Variants in CNTN5 observed in about 807,000 individuals in gnomAD.
The protein encoded by CNTN5 is contactin 5.
In CNTN5, 77 loss-of-function variants were observed where a neutral mutation model predicts 129.1. The ratio of observed to expected loss-of-function variants is 0.60; its 90% CI spans 0.50 to 0.72. The LOEUF (loss-of-function observed/expected upper bound fraction) is 0.72, where lower values mean the gene tolerates loss of function less well. CNTN5 is among the 30% of genes least tolerant of loss of function. CNTN5 has a pLI of 0.00. For synonymous variants in CNTN5, 509 were observed against 465.6 expected, an observed-to-expected ratio of 1.09 and a Z score of -1.20; for missense variants, 1,478 against 1,328.8, an observed-to-expected ratio of 1.11 and a Z score of -1.75.
intron 1 of CNTN5, among the ~76,000 whole-genome samples, chr11:99,313,540 T>C (rs1865206923): frequency 6.6e-6 from 1 of 152,034 alleles, no homozygotes; most frequent in Non-Finnish European, 1.5e-5. Context: ...TATTTACTTA[T>C]GGTTTATGGG....
At chr11:99,695,484 A>C (rs1490344417) in intron 3 of CNTN5, among the ~76,000 whole-genome samples, 1 of 152,142 alleles carries the variant, frequency 6.6e-6, no homozygotes, top group Non-Finnish European at 1.5e-5. Flanking sequence ...CATAGAGTTA[A>C]GAAGTAGCAG....
At chr11:99,769,346 C>G (rs540040739) in intron 3 of CNTN5, among the ~76,000 whole-genome samples, 2 of 152,180 alleles carry the variant, frequency 1.3e-5, no homozygotes, top group South Asian at 4.1e-4. Context: ...ATGAGATATG[C>G]TCATTGCTAG....
At chr11:99,884,757 G>A (rs762631612) in intron 6 of CNTN5, among the ~76,000 whole-genome samples, 1 of 152,026 alleles carries the variant, frequency 6.6e-6, no homozygotes, top group African/African-American at 2.4e-5. Context: ...CAGGTGGATC[G>A]CCTGAAGTCA....
At chr11:99,870,112 G>T (rs2135807401) in intron 6 of CNTN5, among the ~76,000 whole-genome samples, 1 of 152,218 alleles carries the variant, frequency 6.6e-6, no homozygotes. Flanking sequence ...GAGGATATAT[G>T]CTGTGCCTAT....
chr11:99,581,723 T>C (rs566842192), intron 3 of CNTN5, among the ~76,000 whole-genome samples: 1 of 152,362 alleles, frequency 6.6e-6, no homozygotes, highest in African/African-American at 2.4e-5. Flanking sequence ...AGACTATGTG[T>C]GTCTCAGCAC....
At chr11:99,991,953 G>A (rs1939131471) in intron 8 of CNTN5, among the ~76,000 whole-genome samples, 1 of 152,122 alleles carries the variant, frequency 6.6e-6, no homozygotes, top group Admixed American at 6.5e-5. Context: ...ACCTATTCAG[G>A]AATACAGTGG....
intron 3 of CNTN5, among the ~76,000 whole-genome samples, chr11:99,732,538 T>C (rs1444310451): frequency 2.6e-5 from 4 of 152,138 alleles, no homozygotes; most frequent in Admixed American, 2.0e-4. Flanking sequence ...AATGGAAATA[T>C]TCCATGAGAG....
chr11:99,788,573 C>G (rs990690368), intron 3 of CNTN5, among the ~76,000 whole-genome samples: 9 of 151,842 alleles, frequency 5.9e-5, no homozygotes, highest in Admixed American at 1.3e-4. Flanking sequence ...AGTACTGACC[C>G]CATACAAGTC....
At position 99,689,479 on chromosome 11, in the gene CNTN5, G is replaced by A. The variant is rs185308191; in HGVS notation, c.56-130065G>A. Among the ~76,000 whole-genome samples, 377 of 139,846 alleles carry A rather than the reference G, an allele frequency of 2.7e-3. 4 individuals carry two copies. Among genetic ancestry groups the A allele is most frequent in the Non-Finnish European group, 4.2e-3 (277 of 66,074 alleles). The allele number at this position is 139,846 out of a possible 152,430, so 91.7% of individuals were successfully genotyped here. ...GAGGTGGAGCTTGCAGTGAGCCGAG[G>A]TCGCGCCACTGCACTCTACCCTGGG... On this transcript the variant is annotated intron_variant, in intron 3 of 24. Transcript: ENST00000524871.
chr11:99,769,580 C>G (rs1053597289), intron 3 of CNTN5, among the ~76,000 whole-genome samples: 4 of 151,944 alleles, frequency 2.6e-5, no homozygotes, highest in African/African-American at 9.7e-5. Flanking sequence ...AATTAAGAAT[C>G]ATGATACTCA....
At chr11:99,839,561 T>C (rs1947413363) in intron 4 of CNTN5, among the ~76,000 whole-genome samples, 1 of 152,074 alleles carries the variant, frequency 6.6e-6, no homozygotes, top group Non-Finnish European at 1.5e-5. Flanking sequence ...GCAGATGTCC[T>C]TAAAAAGGAA....
chr11:100,048,027 G>T (rs989176422), intron 9 of CNTN5, among the ~76,000 whole-genome samples: 4 of 152,026 alleles, frequency 2.6e-5, no homozygotes, highest in African/African-American at 4.8e-5. Flanking sequence ...GCTACTGGGG[G>T]TGCTGAGGCA....
At chr11:99,430,367 A>G (rs534285471) in intron 2 of CNTN5, among the ~76,000 whole-genome samples, 11 of 148,460 alleles carry the variant, frequency 7.4e-5, no homozygotes, top group Admixed American at 1.4e-4. Flanking sequence ...ATATATATAT[A>G]TGTGTGCACG....
chr11:99,655,931 T>C (rs1952341137), intron 3 of CNTN5, among the ~76,000 whole-genome samples: 2 of 151,984 alleles, frequency 1.3e-5, no homozygotes, highest in Admixed American at 6.6e-5. Flanking sequence ...AAAATACAAA[T>C]ATATACACAC....
At chr11:99,680,254 A>G (rs1953492332) in intron 3 of CNTN5, among the ~76,000 whole-genome samples, 1 of 152,148 alleles carries the variant, frequency 6.6e-6, no homozygotes, top group Non-Finnish European at 1.5e-5. Flanking sequence ...AGAAGATGCC[A>G]TCTGGGACTT....
At chr11:99,868,391 G>T (rs10791007) in intron 6 of CNTN5, among the ~76,000 whole-genome samples, 95,576 of 152,024 alleles carry the variant, frequency 0.63, 31,434 homozygotes, top group Non-Finnish European at 0.73. Flanking sequence ...TACAATAGTT[G>T]TTTTAATTTT....
intron 2 of CNTN5, among the ~76,000 whole-genome samples, chr11:99,440,914 T>C (rs1171202595): frequency 6.6e-6 from 1 of 152,170 alleles, no homozygotes; most frequent in Non-Finnish European, 1.5e-5. Flanking sequence ...GGTGAACTGA[T>C]TGCAATCTCC....
At chr11:100,348,701 C>T (rs557200346) in intron 23 of CNTN5, among the ~76,000 whole-genome samples, 14 of 152,050 alleles carry the variant, frequency 9.2e-5, no homozygotes, top group South Asian at 6.2e-4. Flanking sequence ...ATGCTCCAGA[C>T]GAAATCAAAA....
chr11:99,375,087 G>A (rs1024297745), intron 2 of CNTN5, among the ~76,000 whole-genome samples: 1 of 152,092 alleles, frequency 6.6e-6, no homozygotes, highest in African/African-American at 2.4e-5. Flanking sequence ...TGGATCACTT[G>A]AGGTCAGGAA....
Sources: gnomAD v4.1 joint callset for allele counts (sites outside exome capture counted in the v4.1 genomes callset) on GRCh38, gnomAD v4.1.1 for gene constraint, MANE v1.5 for transcripts, NCBI Gene and HGNC (gene_info 2026-07-23, HGNC 2026-07-21) for gene names.